SCNN1A: variants seen among roughly 807,000 people sequenced by gnomAD.
The protein encoded by SCNN1A is sodium channel epithelial 1 subunit alpha, also known as epithelial sodium channel subunit alpha.
In SCNN1A, 65 loss-of-function variants were observed where a neutral mutation model predicts 68.6. The observed-to-expected ratio is 0.95, with a 90% CI of 0.78 to 1.16. The LOEUF is 1.16. SCNN1A is among the 50% of genes most tolerant of loss of function. The pLI, the probability that SCNN1A is intolerant of heterozygous loss-of-function variation, is 0.00. For missense variants in SCNN1A, 880 were observed against 865.9 expected (o/e 1.02, Z -0.20); for synonymous variants, 357 against 353.3 (o/e 1.01, Z -0.12).
chr12:6,353,456 A>T (rs1020301616), intron 8 of SCNN1A, among the ~76,000 whole-genome samples: 62 of 152,232 alleles, frequency 4.1e-4, no homozygotes, highest in Middle Eastern at 6.8e-3. Context: ...CGCCCTGGGC[A>T]CTGAGCAGGG....
intron 8 of SCNN1A, 63 bp downstream of exon 8, chr12:6,354,375 G>A (rs1948455392): frequency 9.3e-7 from 1 of 1,075,916 alleles, no homozygotes; most frequent in South Asian, 1.2e-5. Context: ...GGACTGAGAG[G>A]AAAAAGTGCC....
chr12:6,355,383 G>A lies in SCNN1A; in HGVS notation c.1032C>T (p.Ser344=), dbSNP rs1315587152. The change falls in exon 6 of 13, where the codon TCC becomes TCT. Residue 344 remains serine (S), a synonymous_variant. Coordinates refer to ENST00000228916, the MANE Select transcript of SCNN1A (RefSeq NM_001038.6). ...AEQNDFIPLL[S]TVTGARVMVH... ...CCATTACCCGGGCCCCAGTCACTGTGGACAGCAGGGGAATGAAGTCATTCT... is the reference window on the plus strand; with the variant it reads ...CCATTACCCGGGCCCCAGTCACTGTAGACAGCAGGGGAATGAAGTCATTCT... The A allele has an allele frequency of 6.2e-7, 1 of 1,614,004 alleles. No homozygotes were observed. The highest frequency in any genetic ancestry group is 1.1e-5 in the South Asian group (1 of 91,036).
At chr12:6,373,934 G>C (rs1215419869) in intron 2 of SCNN1A, among the ~76,000 whole-genome samples, 1 of 152,058 alleles carries the variant, frequency 6.6e-6, no homozygotes, top group Non-Finnish European at 1.5e-5. Context: ...GCACGGTCTC[G>C]CCTCCCCTCA....
At position 6,374,775 on chromosome 12, in the gene SCNN1A, C is replaced by T. The variant is rs780762241; in HGVS notation, c.9G>A (p.Gly3=). The stretch of plus-strand genomic sequence containing the variant: ...TAGAGTCCTGCTCCTCCAGCTTGTT[C>T]CCCTCCATGAGACCTGGTATGGGCT... The part of the protein sequence containing the change: ME[G]NKLEEQDSSP... Residue 3 remains glycine (G), a synonymous_variant, in exon 2 of 13, where the codon GGG becomes GGA. Transcript: ENST00000228916. The surrounding 1 kb of genome is among the most constrained non-coding windows in gnomAD (Gnocchi z 6.2). 2.1e-5 allele frequency: 34 copies of T among 1,613,872 alleles called. No homozygotes were observed. Among genetic ancestry groups the T allele is most frequent in the Non-Finnish European group, 2.7e-5 (32 of 1,179,982 alleles).
intron 2 of SCNN1A, among the ~76,000 whole-genome samples, chr12:6,367,883 C>T (rs1948707755): frequency 6.6e-6 from 1 of 152,244 alleles, no homozygotes; most frequent in Non-Finnish European, 1.5e-5. Flanking sequence ...TCCAGATCTT[C>T]ACTTCCTCTT....
chr12:6,348,286 A>G, intron 12 of SCNN1A, 33 bp from the exon 13 acceptor site: 1 of 1,613,610 alleles, frequency 6.2e-7, no homozygotes, highest in Non-Finnish European at 8.5e-7. Context: ...ACGATGGGAC[A>G]GAGGGTTCTG....
intron 4 of SCNN1A, among the ~76,000 whole-genome samples, chr12:6,358,230 C>T (rs1195093100): frequency 6.6e-6 from 1 of 152,162 alleles, no homozygotes; most frequent in Non-Finnish European, 1.5e-5. Flanking sequence ...TATTAGCTCA[C>T]TAGTACGATT....
chr12:6,370,630 T>A (rs1230733271), intron 2 of SCNN1A, among the ~76,000 whole-genome samples: 1 of 152,226 alleles, frequency 6.6e-6, no homozygotes, highest in Non-Finnish European at 1.5e-5. Flanking sequence ...CAGGCTTTTT[T>A]TCCTGCCAGC....
rs1045785396 is a variant in SCNN1A, at chr12:6,347,686, C to A, written c.*187G>T. On this transcript the variant is annotated 3_prime_UTR_variant, in exon 13 of 13. Transcript: ENST00000228916. ...GGGCTGGAGCCAAGGCACTTCTGGG[C>A]AGCTTCATCAGCTACTGTTCTTGGA... 24 of 637,506 alleles carry A rather than the reference C, an allele frequency of 3.8e-5. 1 individual carries two copies. Among genetic ancestry groups the A allele is most frequent in the Non-Finnish European group, 5.9e-5 (21 of 353,062 alleles). The allele number at this position is 637,506 out of a possible 1,614,324, so 39.5% of individuals were successfully genotyped here. A position where few individuals can be genotyped will look rare whatever the true frequency, so the allele number is the denominator to read the frequency against.
intron 2 of SCNN1A, among the ~76,000 whole-genome samples, chr12:6,364,480 G>C (rs990608422): frequency 1.3e-5 from 2 of 152,182 alleles, no homozygotes; most frequent in Non-Finnish European, 2.9e-5. Context: ...TTTAGGCCGG[G>C]TGTGGTGGCT....
chr12:6,354,648 A>T, intron 7 of SCNN1A, 93 bp from the exon 8 acceptor site: 2 of 1,408,858 alleles, frequency 1.4e-6, no homozygotes, highest in South Asian at 2.3e-5. Flanking sequence ...ACCACCCCCC[A>T]GTTTCCCTCT....
At chr12:6,375,679 T>G, upstream of SCNN1A, 1 of 1,459,830 alleles carries the variant, frequency 6.9e-7, no homozygotes, top group Non-Finnish European at 9.0e-7. Context: ...GCAGGTGAAC[T>G]GGGAGTACTG....
At position 6,352,076 on chromosome 12, in the gene SCNN1A, G is replaced by A. The variant is rs80051995; in HGVS notation, c.1360+2362C>T. Among the ~76,000 whole-genome samples, 490 of 152,124 alleles carry A rather than the reference G, an allele frequency of 3.2e-3. 2 individuals carry two copies. Among genetic ancestry groups the A allele is most frequent in the Non-Finnish European group, 4.7e-3 (320 of 68,014 alleles). On this transcript the variant is annotated intron_variant, in intron 8 of 12. Transcript: ENST00000228916. The stretch of plus-strand genomic sequence containing the variant: ...TGAGTGAGTACAGGGTTTCTTTTGG[G>A]AACACTAAAAATATTCCAAAACTGA...
At chr12:6,359,764 C>CTTTT (rs59652159) in intron 4 of SCNN1A, among the ~76,000 whole-genome samples, 137 of 76,942 alleles carry the variant, frequency 1.8e-3, no homozygotes, top group Non-Finnish European at 2.3e-3. Context: ...TCAGATATTC[C>CTTTT]TTTTTTTTTT....
intron 2 of SCNN1A, 30 bp from the exon 3 acceptor site, chr12:6,363,740 C>A: frequency 1.9e-6 from 3 of 1,572,328 alleles, no homozygotes; most frequent in Non-Finnish European, 2.6e-6. Flanking sequence ...AGGGTCAGGC[C>A]AGGGGCCCTG....
At position 6,355,861 on chromosome 12, in the gene SCNN1A, G is replaced by A. The variant is rs751693113; in HGVS notation, c.895C>T (p.His299Tyr). Residue 299 changes from histidine to tyrosine, a missense_variant, in exon 5 of 13, where the codon CAC (histidine) becomes TAC (tyrosine). Physicochemically the swap from His to Tyr is moderately conservative, Grantham distance 83. Around this residue, in one of 3 missense-constraint regions of SCNN1A, gnomAD observed 758 missense variants for 721.8 expected, o/e 1.05. Transcript: ENST00000228916. ...GTATAGCAGTTTCCATACATCGGGTGGTGGAAGTGAGAGTAATTCCTTATC... is the reference window on the plus strand; with the variant it reads ...GTATAGCAGTTTCCATACATCGGGTAGTGGAAGTGAGAGTAATTCCTTATC... ...CNQANYSHFH[H>Y]PMYGNCYTFN... 1.2e-6 allele frequency: 2 copies of A among 1,611,074 alleles called. No individual in the cohort carries two copies. Among genetic ancestry groups the A allele is most frequent in the Admixed American group, 3.3e-5 (2 of 60,026 alleles).
chr12:6,369,668 T>C (rs1022064633), intron 2 of SCNN1A, among the ~76,000 whole-genome samples: 7 of 151,848 alleles, frequency 4.6e-5, no homozygotes, highest in Non-Finnish European at 5.9e-5. Context: ...CCGTCTCTAC[T>C]AAAAAAGTAT....
At chr12:6,348,548 C>T (rs575056535) in intron 12 of SCNN1A, among the ~76,000 whole-genome samples, 179 bp downstream of exon 12, 3 of 143,540 alleles carry the variant, frequency 2.1e-5, no homozygotes, top group Non-Finnish European at 4.6e-5. Context: ...GACCTTATGC[C>T]CCGGCCGAGC....
At chr12:6,360,224 G>A (rs1393091114) in intron 4 of SCNN1A, among the ~76,000 whole-genome samples, 4 of 152,240 alleles carry the variant, frequency 2.6e-5, no homozygotes, top group Non-Finnish European at 5.9e-5. Flanking sequence ...GTAGGGTGGA[G>A]TGGTGGGTAT....
Sources: allele counts gnomAD v4.1 joint callset (sites outside exome capture counted in the v4.1 genomes callset), GRCh38; gene constraint gnomAD v4.1.1; regional missense constraint gnomAD v4.1.1; non-coding constraint Gnocchi (gnomAD v3.1); transcripts MANE v1.5; gene names NCBI Gene and HGNC (gene_info 2026-07-23, HGNC 2026-07-21).